CSMD1: variants seen among roughly 807,000 people sequenced by gnomAD.
CSMD1 encodes the protein CUB and Sushi multiple domains 1.
CSMD1 carries 213 observed loss-of-function variants against 417.5 expected under a neutral mutation model. The observed-to-expected ratio is 0.51, with a 90% CI of 0.46 to 0.57. The LOEUF is 0.57. Ranked by LOEUF, CSMD1 falls within the 20% of genes least tolerant of loss-of-function variation. The pLI is 0.00. For missense variants in CSMD1, 6,923 were observed against 4,529.7 expected (o/e 1.53, Z -15.17); for synonymous variants, 2,862 against 1,736.8 (o/e 1.65, Z -16.11).
intron 5 of CSMD1, among the ~76,000 whole-genome samples, chr8:3,962,999 C>A (rs1316281315): frequency 6.6e-6 from 1 of 152,116 alleles, no homozygotes; most frequent in Non-Finnish European, 1.5e-5. Flanking sequence ...TGCGGTGGAG[C>A]AATCTCGGCT....
At chr8:4,299,226 GAATAA>G (rs1797850725) in intron 3 of CSMD1, among the ~76,000 whole-genome samples, 1 of 152,128 alleles carries the variant, frequency 6.6e-6, no homozygotes, top group Admixed American at 6.5e-5. Flanking sequence ...TAAGTCATCA[GAATAA>G]AATAAGACAC....
chr8:3,992,880 G>T (rs1424974765), intron 5 of CSMD1, among the ~76,000 whole-genome samples: 1 of 152,230 alleles, frequency 6.6e-6, no homozygotes, highest in Non-Finnish European at 1.5e-5. Flanking sequence ...ATTCATAAAC[G>T]ATGTCACTGC....
chr8:3,555,542 A>G (rs1799107429), intron 10 of CSMD1, among the ~76,000 whole-genome samples: 1 of 152,204 alleles, frequency 6.6e-6, no homozygotes, highest in South Asian at 2.1e-4. Flanking sequence ...CAGCTGGGTG[A>G]ACTTAAACGC....
chr8:3,749,284 T>C (rs1398426618), intron 6 of CSMD1, among the ~76,000 whole-genome samples: 1 of 152,216 alleles, frequency 6.6e-6, no homozygotes, highest in East Asian at 1.9e-4. Flanking sequence ...CACAGCCCAA[T>C]ATATACAGCA....
At chr8:3,840,094 T>A (rs1263536162) in intron 5 of CSMD1, among the ~76,000 whole-genome samples, 2 of 152,160 alleles carry the variant, frequency 1.3e-5, no homozygotes. Flanking sequence ...TTTCAATGAA[T>A]ATTTTCTTAA....
intron 11 of CSMD1, among the ~76,000 whole-genome samples, chr8:3,476,128 A>C (rs140073411): frequency 2.2e-3 from 332 of 152,310 alleles, no homozygotes; most frequent in African/African-American, 7.5e-3. Flanking sequence ...AGACTATTTG[A>C]GTCCAGGAGT....
intron 3 of CSMD1, among the ~76,000 whole-genome samples, chr8:4,076,058 C>T (rs1285216481): frequency 1.3e-5 from 2 of 152,020 alleles, no homozygotes; most frequent in African/African-American, 2.4e-5. Flanking sequence ...TATGGTTTGG[C>T]TGTGTCCCCA....
intron 1 of CSMD1, among the ~76,000 whole-genome samples, chr8:4,653,579 T>G (rs1804043836): frequency 6.6e-6 from 1 of 152,078 alleles, no homozygotes; most frequent in African/African-American, 2.4e-5. Flanking sequence ...GTTTTGTGAT[T>G]TATGACATGC....
At position 3,802,327 on chromosome 8, in the gene CSMD1, C is replaced by G. The variant is rs1490305171; in HGVS notation, c.819-48285G>C. On this transcript the variant is annotated intron_variant, in intron 5 of 69. Transcript: ENST00000635120. ...ACTATTGCCATTTATTATAGTAATTCCTATTATGTTATACATCTGTATATG... is the reference window on the plus strand; with the variant it reads ...ACTATTGCCATTTATTATAGTAATTGCTATTATGTTATACATCTGTATATG... 3.3e-5 allele frequency among the ~76,000 whole-genome samples: 5 copies of G among 151,998 alleles called. No homozygotes were observed. The South Asian group carries it at 1.0e-3, about 32-fold the overall frequency.
intron 5 of CSMD1, among the ~76,000 whole-genome samples, chr8:3,764,274 C>G (rs988294700): frequency 2.0e-5 from 3 of 152,182 alleles, no homozygotes; most frequent in African/African-American, 7.2e-5. Context: ...GCCTGTGTTC[C>G]CGTCCAAACC....
intron 49 of CSMD1, among the ~76,000 whole-genome samples, chr8:3,063,693 T>A (rs977737755): frequency 2.0e-5 from 3 of 152,204 alleles, no homozygotes; most frequent in African/African-American, 7.2e-5. Context: ...TACAACATGA[T>A]GATCTTGAAG....
chr8:3,777,179 G>C lies in CSMD1; in HGVS notation c.819-23137C>G, dbSNP rs149315223. 3.5e-3 allele frequency among the ~76,000 whole-genome samples: 537 copies of C among 151,698 alleles called. 9 individuals carry two copies. Among genetic ancestry groups the C allele is most frequent in the African/African-American group, 0.012 (489 of 41,328 alleles). On this transcript the variant is annotated intron_variant, in intron 5 of 69. Transcript: ENST00000635120. ...ACACACATCATATATATATGTATGT[G>C]TGTCTGTTACTTGTTATATTATGTT...
chr8:3,396,127 G>A, intron 17 of CSMD1, 67 bp downstream of exon 17: 3 of 1,386,002 alleles, frequency 2.2e-6, no homozygotes, highest in Non-Finnish European at 3.0e-6. Flanking sequence ...CTGGAAATAA[G>A]AACCCAGATC....
chr8:4,151,700 C>G (rs943307862), intron 3 of CSMD1, among the ~76,000 whole-genome samples: 1 of 152,158 alleles, frequency 6.6e-6, no homozygotes, highest in Admixed American at 6.5e-5. Flanking sequence ...CTGATTTCCT[C>G]AAGCTCACAC....
At chr8:4,792,104 C>T (rs886664155) in intron 1 of CSMD1, among the ~76,000 whole-genome samples, 8 of 152,084 alleles carry the variant, frequency 5.3e-5, no homozygotes, top group African/African-American at 1.7e-4. Context: ...AGATCCCTTC[C>T]TCCGTATTTT....
At chr8:3,179,118 T>C (rs1168762595) in intron 37 of CSMD1, among the ~76,000 whole-genome samples, 2 of 151,364 alleles carry the variant, frequency 1.3e-5, no homozygotes, top group East Asian at 3.9e-4. Context: ...GCTAATTCTT[T>C]GTATTTTTAG....
chr8:3,714,025 C>CAGATAGAT (rs36006305), intron 6 of CSMD1, among the ~76,000 whole-genome samples: 59,714 of 146,936 alleles, frequency 0.41, 12,211 homozygotes, highest in Admixed American at 0.44. Context: ...GCTCACTATG[C>CAGATAGAT]AGATAGATAG....
intron 1 of CSMD1, among the ~76,000 whole-genome samples, chr8:4,935,961 T>C (rs534580090): frequency 2.0e-5 from 3 of 152,304 alleles, no homozygotes; most frequent in East Asian, 1.9e-4. Flanking sequence ...TTACACTGCC[T>C]TTTCAGCAGC....
At position 4,289,620 on chromosome 8, in the gene CSMD1, G is replaced by C. The variant is rs540560169; in HGVS notation, c.415+130333C>G. On this transcript the variant is annotated intron_variant, in intron 3 of 69. Transcript: ENST00000635120. ...ACGATGGTGCCGTGGATGATGGTGGGGATCTGCTGGACGGAGTAGAGCAGC... is the reference window on the plus strand; with the variant it reads ...ACGATGGTGCCGTGGATGATGGTGGCGATCTGCTGGACGGAGTAGAGCAGC... Among the ~76,000 whole-genome samples the C allele has an allele frequency of 2.0e-5, 3 of 152,302 alleles. No individual in the cohort carries two copies. In the East Asian group the frequency reaches 5.8e-4, roughly 29 times the overall value.
Sources: allele counts gnomAD v4.1 joint callset (sites outside exome capture counted in the v4.1 genomes callset), GRCh38; gene constraint gnomAD v4.1.1; transcripts MANE v1.5; gene names NCBI Gene and HGNC (gene_info 2026-07-23, HGNC 2026-07-21).